The following PRDM2 variants were observed in gnomAD, a reference collection of about 807,000 sequenced individuals.
PRDM2 encodes the protein PR/SET domain 2.
In PRDM2, 30 loss-of-function variants were observed where a neutral mutation model predicts 130.0. That is an observed-to-expected ratio of 0.23 (90% CI 0.17 to 0.31). PRDM2 has a LOEUF of 0.31. PRDM2 is among the 10% of genes least tolerant of loss of function. The probability of loss-of-function intolerance (pLI) is 1.00; values close to 1 mark genes in which losing one functional copy is unlikely to be tolerated. For missense variants in PRDM2, 2,011 were observed against 2,108.4 expected (o/e 0.95, Z 0.90); for synonymous variants, 871 against 782.4 (o/e 1.11, Z -1.89).
At chr1:13,705,839 G>A (rs769544956) in intron 1 of PRDM2, among the ~76,000 whole-genome samples, 20 of 152,042 alleles carry the variant, frequency 1.3e-4, no homozygotes, top group African/African-American at 4.1e-4. Context: ...AAAATTAGCC[G>A]GGTGTGATGG....
intron 6 of PRDM2, among the ~76,000 whole-genome samples, chr1:13,762,624 T>C (rs1644125867): frequency 6.6e-6 from 1 of 152,194 alleles, no homozygotes; most frequent in Non-Finnish European, 1.5e-5. Context: ...TACCCCTATA[T>C]TGGCAAAAAA....
At chr1:13,757,937 GAA>G (rs1163695726) in intron 6 of PRDM2, among the ~76,000 whole-genome samples, 2 of 152,088 alleles carry the variant, frequency 1.3e-5, no homozygotes, top group Admixed American at 1.3e-4. Context: ...ACCAGAAGGT[GAA>G]AAGAGTCACC....
intron 8 of PRDM2, among the ~76,000 whole-genome samples, chr1:13,816,084 C>T (rs1454604402): frequency 5.9e-5 from 9 of 152,168 alleles, no homozygotes; most frequent in African/African-American, 1.7e-4. Context: ...CTGATGCAAT[C>T]GGAGTCATTC....
At chr1:13,785,428 A>G (rs944199370) in intron 8 of PRDM2, among the ~76,000 whole-genome samples, 7 of 152,212 alleles carry the variant, frequency 4.6e-5, no homozygotes, top group Non-Finnish European at 7.3e-5. Flanking sequence ...GATATTTTAC[A>G]TGTGAATGCC....
chr1:13,735,350 C>A (rs903089421), intron 4 of PRDM2, among the ~76,000 whole-genome samples: 2 of 152,190 alleles, frequency 1.3e-5, no homozygotes, highest in Non-Finnish European at 2.9e-5. Flanking sequence ...AGCTAGCTGG[C>A]GCTCGGGACT....
intron 8 of PRDM2, among the ~76,000 whole-genome samples, chr1:13,816,005 G>C (rs1158636945): frequency 6.6e-6 from 1 of 152,142 alleles, no homozygotes; most frequent in Non-Finnish European, 1.5e-5. Flanking sequence ...TGGGTGTTGG[G>C]GCCTGGCAGG....
chr1:13,735,890 C>T (rs1024726422), intron 4 of PRDM2, among the ~76,000 whole-genome samples: 9 of 152,108 alleles, frequency 5.9e-5, no homozygotes, highest in East Asian at 1.9e-4. Context: ...ATCATCCAGG[C>T]GCAACCACTG....
intron 2 of PRDM2, chr1:13,722,733 G>C: frequency 2.3e-6 from 1 of 430,252 alleles, no homozygotes; most frequent in African/African-American, 2.0e-5. Context: ...TGGACAAGAG[G>C]AGGGGATGAG....
At chr1:13,774,102 G>C (rs1255268508) in intron 7 of PRDM2, among the ~76,000 whole-genome samples, 1 of 152,120 alleles carries the variant, frequency 6.6e-6, no homozygotes, top group Admixed American at 6.5e-5. Context: ...CTCCTTTATA[G>C]TCCCTCTGGT....
rs1330174270 is a variant in PRDM2 at position 13,816,622 on chromosome 1, G to A, written c.*23+52G>A. 6 of 1,595,520 alleles carry A rather than the reference G, an allele frequency of 3.8e-6. No individual in the cohort carries two copies. The Admixed American group carries it at 6.8e-5, about 18-fold the overall frequency. On this transcript the variant is annotated intron_variant, in intron 9 of 9. Transcript: ENST00000311066. ...GGCACTGTTTGGGTGGGTCAAGGGG[G>A]TGTGGGCTTGGGTCTTGGGTGGGGA...
chr1:13,778,808 C>G lies in PRDM2; in HGVS notation c.1013C>G (p.Thr338Arg). The G allele has an allele frequency of 6.2e-7, 1 of 1,614,132 alleles. No individual in the cohort carries two copies. The highest frequency in any genetic ancestry group is 8.5e-7 in the Non-Finnish European group (1 of 1,180,030). ...EETLEDCSEV[T>R]PAMQIPRTKE... ...ACTCTTGAAGACTGCTCAGAGGTAA[C>G]ACCTGCCATGCAAATCCCCAGAACT... Residue 338 changes from threonine (T) to arginine (R), a missense_variant, in exon 8 of 10, where the codon ACA (threonine) becomes AGA (arginine). Transcript: ENST00000311066.
intron 1 of PRDM2, among the ~76,000 whole-genome samples, chr1:13,715,230 T>C (rs1020429968): frequency 6.6e-6 from 1 of 152,244 alleles, no homozygotes; most frequent in African/African-American, 2.4e-5. Context: ...ATGCTTTGTA[T>C]TTCTATTAAG....
intron 2 of PRDM2, among the ~76,000 whole-genome samples, chr1:13,723,842 C>G (rs943940229): frequency 2.0e-5 from 3 of 152,180 alleles, no homozygotes; most frequent in Non-Finnish European, 4.4e-5. Flanking sequence ...TTTGCCCGTT[C>G]GCAGTGACCA....
intron 8 of PRDM2, among the ~76,000 whole-genome samples, chr1:13,809,668 G>A (rs1304936067): frequency 6.6e-6 from 1 of 152,208 alleles, no homozygotes; most frequent in African/African-American, 2.4e-5. Context: ...GTGTGAGGCT[G>A]GCCGTGGACG....
chr1:13,762,402 T>C (rs563068820), intron 6 of PRDM2, among the ~76,000 whole-genome samples: 5 of 152,366 alleles, frequency 3.3e-5, no homozygotes, highest in Non-Finnish European at 7.3e-5. Context: ...CCTAGCCCAC[T>C]GTCTCGCCTC....
At chr1:13,750,390 G>GT (rs923295935) in intron 6 of PRDM2, among the ~76,000 whole-genome samples, 3 of 149,314 alleles carry the variant, frequency 2.0e-5, no homozygotes, top group Admixed American at 6.7e-5. Flanking sequence ...TTGTTTTTTT[G>GT]TTTTTTTGTT....
At chr1:13,713,138 GATT>G (rs1200960279) in intron 1 of PRDM2, among the ~76,000 whole-genome samples, 18 of 151,878 alleles carry the variant, frequency 1.2e-4, no homozygotes, top group Admixed American at 2.0e-4. Flanking sequence ...TTTGCATAGA[GATT>G]GTAGTAACTA....
At chr1:13,703,951 A>G (rs1025252449) in intron 1 of PRDM2, among the ~76,000 whole-genome samples, 7 of 152,226 alleles carry the variant, frequency 4.6e-5, no homozygotes, top group African/African-American at 1.7e-4. Flanking sequence ...TTAACTTAAT[A>G]CATTATAATT....
rs532570019 is a variant in PRDM2 at position 13,771,398 on chromosome 1, A to G, written c.512-1680A>G. 6.6e-6 allele frequency among the ~76,000 whole-genome samples: 1 copy of G among 152,308 alleles called. No individual in the cohort carries two copies. Among genetic ancestry groups the G allele is most frequent in the South Asian group, 2.1e-4 (1 of 4,828 alleles). Reference sequence around the variant, plus strand: ...AATTTATTTGCTCAAACCCTGATAAACGTAGTGGCAAAAACATCGGATTTC... The same window carrying G: ...AATTTATTTGCTCAAACCCTGATAAGCGTAGTGGCAAAAACATCGGATTTC... On this transcript the variant is annotated intron_variant, in intron 6 of 9. Transcript: ENST00000311066. The surrounding 1 kb of genome is among the most constrained non-coding windows in gnomAD (Gnocchi z 4.1).
Sources: allele counts gnomAD v4.1 joint callset (sites outside exome capture counted in the v4.1 genomes callset), GRCh38; gene constraint gnomAD v4.1.1; non-coding constraint Gnocchi (gnomAD v3.1); transcripts MANE v1.5; gene names NCBI Gene and HGNC (gene_info 2026-07-23, HGNC 2026-07-21).